PSMB7: variants seen among roughly 807,000 people sequenced by gnomAD.
PSMB7 encodes the protein proteasome subunit beta type-7.
A neutral mutation model predicts 28.1 loss-of-function variants in PSMB7; 5 were observed. That is an observed-to-expected ratio of 0.18 (90% CI 0.09 to 0.37). The LOEUF is 0.37. Among genes scored for constraint, PSMB7 ranks in the 10% least tolerant of loss-of-function variants. The pLI, the probability that PSMB7 is intolerant of heterozygous loss-of-function variation, is 1.00. For synonymous variants in PSMB7, 122 were observed against 123.7 expected, an observed-to-expected ratio of 0.99 and a Z score of 0.09; for missense variants, 275 against 346.2, an observed-to-expected ratio of 0.79 and a Z score of 1.63.
At chr9:124,410,398 T>C (rs893973605) in intron 4 of PSMB7, among the ~76,000 whole-genome samples, 2 of 152,250 alleles carry the variant, frequency 1.3e-5, no homozygotes, top group Non-Finnish European at 1.5e-5. Flanking sequence ...TTGAAACATC[T>C]TATTTGCAGC....
chr9:124,408,748 T>G (rs1830993541), intron 4 of PSMB7, among the ~76,000 whole-genome samples: 1 of 152,182 alleles, frequency 6.6e-6, no homozygotes. Flanking sequence ...CAAGGATATA[T>G]ATCTAGAACA....
intron 6 of PSMB7, among the ~76,000 whole-genome samples, chr9:124,359,427 T>G (rs1251368123): frequency 6.6e-6 from 1 of 152,234 alleles, no homozygotes; most frequent in Non-Finnish European, 1.5e-5. Context: ...AGTTGGGCAC[T>G]TTGATGATCA....
chr9:124,386,874 T>C (rs750022894), intron 5 of PSMB7, among the ~76,000 whole-genome samples: 1 of 152,104 alleles, frequency 6.6e-6, no homozygotes, highest in African/African-American at 2.4e-5. Context: ...CCTAGGCACA[T>C]ATATTTCCTT....
intron 6 of PSMB7, among the ~76,000 whole-genome samples, chr9:124,375,164 T>C (rs528263124): frequency 6.6e-6 from 1 of 152,152 alleles, no homozygotes; most frequent in Admixed American, 6.5e-5. Context: ...CATAAATCCT[T>C]ATCCTTTTTT....
chr9:124,381,150 G>A (rs1187121478), intron 6 of PSMB7, among the ~76,000 whole-genome samples: 1 of 152,152 alleles, frequency 6.6e-6, no homozygotes, highest in African/African-American at 2.4e-5. Flanking sequence ...GGTTAGCGCT[G>A]GACAGTGCAG....
intron 7 of PSMB7, among the ~76,000 whole-genome samples, chr9:124,355,009 G>A (rs1209012900): frequency 6.6e-6 from 1 of 152,248 alleles, no homozygotes; most frequent in East Asian, 1.9e-4. Flanking sequence ...GCCAGGCAAG[G>A]CCCACTGGCG....
Position 124,371,556 on chromosome 9 carries a change from A to C in PSMB7, c.570+13042T>G, listed in dbSNP as rs538270280. On this transcript the variant is annotated intron_variant, in intron 6 of 7. Transcript: ENST00000259457. The stretch of plus-strand genomic sequence containing the variant: ...AGTGAATAACAAAAGAGTATCTTTT[A>C]TTTCTTTTCCCAATGAAAATCTTCC... Among the ~76,000 whole-genome samples the C allele has an allele frequency of 2.1e-3, 325 of 152,326 alleles. 3 individuals are homozygous for C. Among genetic ancestry groups the C allele is most frequent in the Non-Finnish European group, 3.6e-3 (245 of 68,008 alleles).
intron 6 of PSMB7, among the ~76,000 whole-genome samples, chr9:124,364,528 A>G (rs990474264): frequency 8.0e-5 from 12 of 150,582 alleles, no homozygotes; most frequent in Admixed American, 1.3e-4. Flanking sequence ...ATCAGAGAAA[A>G]AAAAAAAAAA....
chr9:124,381,892 G>A (rs1830668290), intron 6 of PSMB7, among the ~76,000 whole-genome samples: 1 of 152,184 alleles, frequency 6.6e-6, no homozygotes, highest in Admixed American at 6.5e-5. Context: ...GCTGACAGCT[G>A]TTATTCTATT....
chr9:124,395,944 C>A (rs529924549), intron 5 of PSMB7, among the ~76,000 whole-genome samples: 72 of 152,304 alleles, frequency 4.7e-4, no homozygotes, highest in African/African-American at 1.7e-3. Flanking sequence ...CCCTGGCCCA[C>A]GGAGAGCAGG....
At chr9:124,370,193 T>A (rs983341369) in intron 6 of PSMB7, among the ~76,000 whole-genome samples, 1 of 151,466 alleles carries the variant, frequency 6.6e-6, no homozygotes, top group Admixed American at 6.6e-5. Context: ...CCAGTTTTGA[T>A]GTGCCTTAGG....
chr9:124,403,458 C>A (rs1041177169), intron 5 of PSMB7, among the ~76,000 whole-genome samples: 1 of 152,116 alleles, frequency 6.6e-6, no homozygotes, highest in Non-Finnish European at 1.5e-5. Flanking sequence ...CCGGGGAAGT[C>A]GAGGTGGCAG....
intron 6 of PSMB7, among the ~76,000 whole-genome samples, chr9:124,382,516 G>A (rs540305772): frequency 6.6e-6 from 1 of 152,162 alleles, no homozygotes; most frequent in South Asian, 2.1e-4. Flanking sequence ...TCGAGACTCT[G>A]TCTCTAAAAT....
At chr9:124,415,041 C>G (rs943740921) in intron 1 of PSMB7, 106 bp from the exon 2 acceptor site, 31 of 733,010 alleles carry the variant, frequency 4.2e-5, no homozygotes, top group Admixed American at 1.4e-4. Flanking sequence ...TACTTGTTTT[C>G]ACGCCCATCT....
intron 6 of PSMB7, among the ~76,000 whole-genome samples, chr9:124,367,948 C>G (rs1045539542): frequency 6.6e-6 from 1 of 152,188 alleles, no homozygotes; most frequent in African/African-American, 2.4e-5. Flanking sequence ...TTTTTCTCAA[C>G]CCCCATTTAA....
intron 6 of PSMB7, among the ~76,000 whole-genome samples, chr9:124,357,770 C>T (rs144747476): frequency 2.6e-5 from 4 of 152,286 alleles, no homozygotes; most frequent in African/African-American, 9.6e-5. Context: ...AGATCCCTGC[C>T]CCCTAGGGGC....
rs78940200 is a variant in PSMB7 at position 124,391,456 on chromosome 9, T to G, written c.512-6800A>C. On this transcript the variant is annotated intron_variant, in intron 5 of 7. Coordinates refer to ENST00000259457, the MANE Select transcript of PSMB7 (RefSeq NM_002799.4). ...AAAAAAGCATGCTTTCAAACTTGCT[T>G]CTTCTTTAGATTTCAGCTCGATTAC... is the stretch of plus-strand genomic sequence containing the variant. Among the ~76,000 whole-genome samples the G allele has an allele frequency of 2.9e-3, 443 of 152,314 alleles. 2 individuals are homozygous for G. Among genetic ancestry groups the G allele is most frequent in the African/African-American group, 0.01 (416 of 41,566 alleles).
intron 5 of PSMB7, among the ~76,000 whole-genome samples, chr9:124,396,405 T>G (rs1830844252): frequency 1.3e-5 from 2 of 152,240 alleles, no homozygotes; most frequent in Non-Finnish European, 2.9e-5. Context: ...TCCTAAGTTC[T>G]CACTTAATTG....
chr9:124,360,361 G>A (rs1174155560), intron 6 of PSMB7, among the ~76,000 whole-genome samples: 1 of 152,224 alleles, frequency 6.6e-6, no homozygotes, highest in African/African-American at 2.4e-5. Flanking sequence ...TTTTCTGGAA[G>A]ATGCAGAGTG....
Sources: allele counts gnomAD v4.1 joint callset (sites outside exome capture counted in the v4.1 genomes callset), GRCh38; gene constraint gnomAD v4.1.1; transcripts MANE v1.5; gene names NCBI Gene and HGNC (gene_info 2026-07-23, HGNC 2026-07-21).